Variants in GLYR1 observed in about 807,000 individuals in gnomAD.
GLYR1 encodes the protein cytokine-like nuclear factor N-PAC.
GLYR1 carries 21 observed loss-of-function variants against 72.7 expected under a neutral mutation model. That is an observed-to-expected ratio of 0.29 (90% CI 0.20 to 0.42). The LOEUF (loss-of-function observed/expected upper bound fraction) is 0.42. GLYR1 is among the 10% of genes least tolerant of loss of function. The pLI, the probability that GLYR1 is intolerant of heterozygous loss-of-function variation, is 1.00. For synonymous variants in GLYR1, 392 were observed against 270.2 expected, an observed-to-expected ratio of 1.45 and a Z score of -4.42; for missense variants, 594 against 712.1, an observed-to-expected ratio of 0.83 and a Z score of 1.89.
intron 15 of GLYR1, among the ~76,000 whole-genome samples, chr16:4,807,798 T>A (rs897827641): frequency 1.6e-4 from 24 of 152,152 alleles, no homozygotes; most frequent in African/African-American, 5.8e-4. Flanking sequence ...CAAAAAAGAC[T>A]TATAAAATAC....
Position 4,843,489 on chromosome 16 carries a change from C to T in GLYR1, c.155+1585G>A. ...TTTTAAATCCATGGAGTTCTAAGAA[C>T]ATTCCCTCTTCCAGAAGCTCTGGCT... On this transcript the variant is annotated intron_variant, in intron 3 of 15. Coordinates refer to ENST00000321919, the MANE Select transcript of GLYR1 (RefSeq NM_032569.4). 3 of 1,277,898 alleles carry T rather than the reference C, an allele frequency of 2.3e-6. No homozygotes were observed. The South Asian group carries it at 3.8e-5, about 16-fold the overall frequency. 79.2% of individuals were successfully genotyped at this position (1,277,898 alleles called of 1,614,324 possible).
chr16:4,805,131 G>GA lies in GLYR1; in HGVS notation c.*104dup. 1.1e-6 allele frequency: 1 copy of GA among 888,668 alleles called. No homozygotes were observed. Among genetic ancestry groups the GA allele is most frequent in the Non-Finnish European group, 1.9e-6 (1 of 536,504 alleles). 55.0% of individuals were successfully genotyped at this position (888,668 alleles called of 1,614,324 possible). A position where few individuals can be genotyped will look rare whatever the true frequency, so the allele number is the denominator to read the frequency against. ...CTCAAAGTCTGTATAAAAGGAAATG[G>GA]AGATAGGTGGGCTGGTCCAGAATGA... is the stretch of plus-strand genomic sequence containing the variant. On this transcript the variant is annotated 3_prime_UTR_variant, in exon 16 of 16. Coordinates refer to ENST00000321919, the MANE Select transcript of GLYR1 (RefSeq NM_032569.4).
rs115778567 is a variant in GLYR1 at position 4,821,651 on chromosome 16, T to C, written c.682-54A>G. On this transcript the variant is annotated intron_variant, in intron 7 of 15. Coordinates refer to ENST00000321919, the MANE Select transcript of GLYR1 (RefSeq NM_032569.4). Reference sequence around the variant, plus strand: ...TGTGCTACTGCAGGCTTAACCAGTCTTCATAATAATCCCCTCAAAGGTTAG... The same window carrying C: ...TGTGCTACTGCAGGCTTAACCAGTCCTCATAATAATCCCCTCAAAGGTTAG... The C allele has an allele frequency of 2.6e-3, 3,880 of 1,518,656 alleles. 80 individuals carry two copies. In the African/African-American group the frequency reaches 0.044, roughly 17 times the overall value. The allele number at this position is 1,518,656 out of a possible 1,614,324, so 94.1% of individuals were successfully genotyped here.
intron 1 of GLYR1, 75 bp from the exon 2 acceptor site, chr16:4,846,285 T>C (rs1052973245): frequency 2.0e-6 from 3 of 1,490,982 alleles, no homozygotes; most frequent in East Asian, 2.3e-5. Context: ...CAATACGCAA[T>C]TTATTTTCCT....
chr16:4,817,579 A>C lies in GLYR1; in HGVS notation c.906+19T>G. 1.3e-6 allele frequency: 2 copies of C among 1,499,166 alleles called. No individual in the cohort carries two copies. The highest frequency in any genetic ancestry group is 1.9e-6 in the Non-Finnish European group (2 of 1,074,994). 92.9% of individuals were successfully genotyped at this position (1,499,166 alleles called of 1,614,324 possible). A position where few individuals can be genotyped will look rare whatever the true frequency, so the allele number is the denominator to read the frequency against. On this transcript the variant is annotated intron_variant, in intron 10 of 15. Transcript: ENST00000321919. ...CCCAGACTCCACCGATCCAACAGGC[A>C]CCACCCCTGAATGCTTACTTTCTCT...
intron 4 of GLYR1, chr16:4,832,482 T>C: frequency 1.7e-6 from 1 of 577,548 alleles, no homozygotes; most frequent in Non-Finnish European, 3.0e-6. Flanking sequence ...GAGGCTATGC[T>C]CCTAATCTGT....
At chr16:4,839,135 G>C (rs2085360746) in intron 3 of GLYR1, 1 of 153,014 alleles carries the variant, frequency 6.5e-6, no homozygotes, top group Admixed American at 6.5e-5. Context: ...AAGGAGAAAG[G>C]GCGGGGAGAA....
rs191769628 is a variant in GLYR1, at chr16:4,834,396, T to A, written c.156-1484A>T. Among the ~76,000 whole-genome samples, 331 of 149,776 alleles carry A rather than the reference T, an allele frequency of 2.2e-3. 2 individuals are homozygous for A. The highest frequency in any genetic ancestry group is 7.9e-3 in the African/African-American group (318 of 40,282). On this transcript the variant is annotated intron_variant, in intron 3 of 15. Transcript: ENST00000321919. ...GCTCACGGCAACCTCGCCTCCTAGG[T>A]TCAAGTGATTCTCCTGCCTCAGCCT...
intron 7 of GLYR1, among the ~76,000 whole-genome samples, 196 bp downstream of exon 7, chr16:4,822,679 G>T (rs764337752): frequency 8.5e-5 from 13 of 152,180 alleles, no homozygotes; most frequent in Non-Finnish European, 1.5e-4. Context: ...GTGAGCCACC[G>T]CGCCCGGCCT....
Position 4,847,219 on chromosome 16 carries a change from C to T in GLYR1, c.38+9G>A, listed in dbSNP as rs777300044. 6.2e-7 allele frequency: 1 copy of T among 1,603,902 alleles called. No individual in the cohort carries two copies. Among genetic ancestry groups the T allele is most frequent in the South Asian group, 1.1e-5 (1 of 90,074 alleles). On this transcript the variant is annotated intron_variant, in intron 1 of 15. Transcript: ENST00000321919. Reference sequence around the variant, plus strand: ...GCGCGTCTCGGTTGGCCCGGCCGCTCGGACTCACCACACCAAGTCGCCGAG... The same window carrying T: ...GCGCGTCTCGGTTGGCCCGGCCGCTTGGACTCACCACACCAAGTCGCCGAG...
chr16:4,830,409 G>A (rs1341626204), intron 5 of GLYR1, among the ~76,000 whole-genome samples: 2 of 152,078 alleles, frequency 1.3e-5, no homozygotes, highest in Admixed American at 6.6e-5. Context: ...AAGCTGGCTA[G>A]AACCCTGTGG....
chr16:4,843,696 A>G, intron 3 of GLYR1: 1 of 1,210,078 alleles, frequency 8.3e-7, no homozygotes, highest in Non-Finnish European at 1.1e-6. Context: ...AAGTAGAAAT[A>G]CTTTAACCGT....
intron 3 of GLYR1, among the ~76,000 whole-genome samples, chr16:4,839,091 C>T (rs1321107799): frequency 6.6e-6 from 1 of 151,868 alleles, no homozygotes; most frequent in Non-Finnish European, 1.5e-5. Flanking sequence ...GACAGGTGAC[C>T]TGGGCTGAAG....
At position 4,834,900 on chromosome 16, in the gene GLYR1, CCT is replaced by C. The variant is rs1363710954; in HGVS notation, c.156-1990_156-1989del. Among the ~76,000 whole-genome samples the C allele has an allele frequency of 7.9e-5, 12 of 152,146 alleles. No individual in the cohort carries two copies. In the East Asian group the frequency reaches 1.3e-3, roughly 17 times the overall value. Reference sequence around the variant, plus strand: ...GAATATCCCTGAACTGACTCCGTTCCCTCTCCTTACAGGGATGCTAATGACAG... The same window carrying C: ...GAATATCCCTGAACTGACTCCGTTCCCTCCTTACAGGGATGCTAATGACAG... On this transcript the variant is annotated intron_variant, in intron 3 of 15. Coordinates refer to ENST00000321919, the MANE Select transcript of GLYR1 (RefSeq NM_032569.4).
Position 4,817,645 on chromosome 16 carries a change from G to C in GLYR1, c.859C>G (p.Leu287Val). 3 of 1,613,718 alleles carry C rather than the reference G, an allele frequency of 1.9e-6. No homozygotes were observed. Among genetic ancestry groups the C allele is most frequent in the Non-Finnish European group, 2.5e-6 (3 of 1,179,690 alleles). The change falls in exon 10 of 16, where the codon CTA becomes GTA. Residue 287 changes from leucine (L) to valine (V), a missense_variant. Leu to Val is a conservative substitution (Grantham distance 32, BLOSUM62 1). Transcript: ENST00000321919. ...ACAGTCACTGTGTGACCCATTTTTA[G>C]CAAGTTGGAGACGATTCCACTTCCC... The part of the protein sequence containing the change: ...LMGSGIVSNL[L>V]KMGHTVTVWN...
intron 9 of GLYR1, among the ~76,000 whole-genome samples, chr16:4,820,293 G>T (rs2083928487): frequency 6.6e-6 from 1 of 152,144 alleles, no homozygotes; most frequent in South Asian, 2.1e-4. Context: ...CCAGGTCAAG[G>T]TTCTGGATTT....
chr16:4,817,506 A>T lies in GLYR1; in HGVS notation c.906+92T>A, dbSNP rs1485569670. ...AAAAGCTTGGCTTCTATTCTATTGC[A>T]CGCAGAACGCTGAGACAACAGGGGG... On this transcript the variant is annotated intron_variant, in intron 10 of 15. Coordinates refer to ENST00000321919, the MANE Select transcript of GLYR1 (RefSeq NM_032569.4). The T allele has an allele frequency of 1.0e-5, 8 of 762,200 alleles. No individual in the cohort carries two copies. In the African/African-American group the frequency reaches 1.2e-4, roughly 11 times the overall value. The allele number at this position is 762,200 out of a possible 1,614,324, so 47.2% of individuals were successfully genotyped here. A position where few individuals can be genotyped will look rare whatever the true frequency, so the allele number is the denominator to read the frequency against.
chr16:4,833,355 G>A (rs1359061966), intron 3 of GLYR1, among the ~76,000 whole-genome samples: 1 of 152,196 alleles, frequency 6.6e-6, no homozygotes, highest in Non-Finnish European at 1.5e-5. Context: ...GATGATAGCA[G>A]CATTACTATG....
At chr16:4,843,784 A>T in intron 3 of GLYR1, 1 of 441,376 alleles carries the variant, frequency 2.3e-6, no homozygotes, top group South Asian at 2.9e-5. Context: ...AATAATAAAT[A>T]GAAATACAAC....
Sources: gnomAD v4.1 joint callset for allele counts (sites outside exome capture counted in the v4.1 genomes callset) on GRCh38, gnomAD v4.1.1 for gene constraint, MANE v1.5 for transcripts, NCBI Gene and HGNC (gene_info 2026-07-23, HGNC 2026-07-21) for gene names.